CNTN5: variants seen among roughly 807,000 people sequenced by gnomAD.
The protein encoded by CNTN5 is contactin-5.
CNTN5 carries 77 observed loss-of-function variants against 129.1 expected under a neutral mutation model. That is an observed-to-expected ratio of 0.60 (90% CI 0.50 to 0.72). The LOEUF is 0.72. Ranked by LOEUF, CNTN5 falls within the 30% of genes least tolerant of loss-of-function variation. The pLI is 0.00. For synonymous variants in CNTN5, 509 were observed against 465.6 expected (o/e 1.09, Z -1.20); for missense variants, 1,478 against 1,328.8 (o/e 1.11, Z -1.75).
In CNTN5 at chr11:99,476,176, A is replaced by C. The variant is rs569526260; in HGVS notation, c.-70-79969A>C. ...TTTTATATTTATTTTTCTTTGATTTATTTTTAAATATTGCTATGACATTAA... is the reference window on the plus strand; with the variant it reads ...TTTTATATTTATTTTTCTTTGATTTCTTTTTAAATATTGCTATGACATTAA... On this transcript the variant is annotated intron_variant, in intron 2 of 24. Transcript: ENST00000524871. Among the ~76,000 whole-genome samples, 23 of 151,990 alleles carry C rather than the reference A, an allele frequency of 1.5e-4. 1 individual carries two copies. Among genetic ancestry groups the C allele is most frequent in the African/African-American group, 5.1e-4 (21 of 41,528 alleles).
At chr11:99,636,466 G>A (rs985238214) in intron 3 of CNTN5, among the ~76,000 whole-genome samples, 4 of 151,760 alleles carry the variant, frequency 2.6e-5, no homozygotes, top group Admixed American at 1.3e-4. Flanking sequence ...CAGTGTTCTA[G>A]GAGGCTGGGT....
chr11:99,318,767 G>T (rs1330914603), intron 1 of CNTN5, among the ~76,000 whole-genome samples: 1 of 152,148 alleles, frequency 6.6e-6, no homozygotes, highest in African/African-American at 2.4e-5. Context: ...AAGAAATTGT[G>T]TCAGTGGGAT....
chr11:99,664,775 A>G (rs1952722683), intron 3 of CNTN5, among the ~76,000 whole-genome samples: 1 of 152,310 alleles, frequency 6.6e-6, no homozygotes, highest in Non-Finnish European at 1.5e-5. Context: ...CCATTTATAT[A>G]ATTTGAAGAA....
intron 2 of CNTN5, among the ~76,000 whole-genome samples, chr11:99,550,480 T>G (rs945219723): frequency 2.0e-5 from 3 of 152,122 alleles, no homozygotes; most frequent in Non-Finnish European, 4.4e-5. Flanking sequence ...CCAACCTTAT[T>G]CAGCCTTTCA....
chr11:99,909,461 G>T (rs993659789), intron 6 of CNTN5, among the ~76,000 whole-genome samples: 1 of 152,064 alleles, frequency 6.6e-6, no homozygotes, highest in African/African-American at 2.4e-5. Flanking sequence ...CCATTACTGG[G>T]TATATACCCA....
intron 1 of CNTN5, among the ~76,000 whole-genome samples, chr11:99,112,023 C>T (rs987250339): frequency 1.3e-4 from 20 of 152,066 alleles, no homozygotes; most frequent in South Asian, 4.2e-4. Context: ...ACAAATAAGT[C>T]ATCAAAATTA....
chr11:100,269,458 A>G (rs1313083918), intron 17 of CNTN5, among the ~76,000 whole-genome samples: 1 of 152,196 alleles, frequency 6.6e-6, no homozygotes, highest in African/African-American at 2.4e-5. Flanking sequence ...AGAGAAAAAC[A>G]CCTGCATGCT....
intron 2 of CNTN5, among the ~76,000 whole-genome samples, chr11:99,387,871 A>G (rs2136178582): frequency 6.6e-6 from 1 of 152,288 alleles, no homozygotes; most frequent in East Asian, 1.9e-4. Flanking sequence ...GCACATTGGA[A>G]TCAGTTACAG....
chr11:99,360,034 T>C (rs551269865), intron 2 of CNTN5, among the ~76,000 whole-genome samples: 6 of 152,176 alleles, frequency 3.9e-5, no homozygotes, highest in Admixed American at 3.3e-4. Flanking sequence ...ATATACCCAC[T>C]ACATACTCAT....
At chr11:100,281,370 G>T (rs965592384) in intron 18 of CNTN5, among the ~76,000 whole-genome samples, 34 of 152,138 alleles carry the variant, frequency 2.2e-4, no homozygotes, top group African/African-American at 7.7e-4. Context: ...ATACTCTATG[G>T]TAAAAGTTTT....
intron 4 of CNTN5, among the ~76,000 whole-genome samples, chr11:99,825,904 A>G (rs1946939901): frequency 6.6e-6 from 1 of 152,150 alleles, no homozygotes; most frequent in African/African-American, 2.4e-5. Context: ...AAAATATAAT[A>G]TAGAAATGTT....
intron 4 of CNTN5, among the ~76,000 whole-genome samples, chr11:99,827,505 G>A (rs904374595): frequency 5.9e-5 from 9 of 152,126 alleles, no homozygotes; most frequent in Non-Finnish European, 7.4e-5. Context: ...AACCATGTGG[G>A]ACTAAATTAA....
At chr11:99,660,175 T>C (rs1952544092) in intron 3 of CNTN5, among the ~76,000 whole-genome samples, 1 of 152,124 alleles carries the variant, frequency 6.6e-6, no homozygotes, top group Non-Finnish European at 1.5e-5. Context: ...TAGGTGACCT[T>C]GTGTTACTCA....
At chr11:99,430,680 G>T (rs1420957354) in intron 2 of CNTN5, among the ~76,000 whole-genome samples, 1 of 151,830 alleles carries the variant, frequency 6.6e-6, no homozygotes, top group Non-Finnish European at 1.5e-5. Context: ...AAAGAGCTTG[G>T]ATATCAGCTT....
chr11:100,189,690 A>C (rs1948412944), intron 13 of CNTN5, among the ~76,000 whole-genome samples: 2 of 152,138 alleles, frequency 1.3e-5, no homozygotes, highest in African/African-American at 4.8e-5. Flanking sequence ...ATAACATTTC[A>C]TTTTCATAGA....
At chr11:99,571,558 C>A (rs1434626615) in intron 3 of CNTN5, among the ~76,000 whole-genome samples, 1 of 152,116 alleles carries the variant, frequency 6.6e-6, no homozygotes, top group Admixed American at 6.6e-5. Flanking sequence ...AAAGACTCAG[C>A]TATTATTTAG....
chr11:99,182,267 T>G (rs1858115772), intron 1 of CNTN5, among the ~76,000 whole-genome samples: 1 of 152,166 alleles, frequency 6.6e-6, no homozygotes, highest in Non-Finnish European at 1.5e-5. Flanking sequence ...ACGTAGAGTG[T>G]CAAATTGAAG....
chr11:99,224,727 G>A lies in CNTN5; in HGVS notation c.-209-100619G>A, dbSNP rs184619141. On this transcript the variant is annotated intron_variant, in intron 1 of 24. Transcript: ENST00000524871. Reference sequence around the variant, plus strand: ...AGCTGGAGTTCAGTGCCGTGATCTCGGCTGGGTGCAACCTCCACCTCCCAG... The same window carrying A: ...AGCTGGAGTTCAGTGCCGTGATCTCAGCTGGGTGCAACCTCCACCTCCCAG... Among the ~76,000 whole-genome samples, 260 of 137,308 alleles carry A rather than the reference G, an allele frequency of 1.9e-3. 2 individuals carry two copies. The highest frequency in any genetic ancestry group is 0.011 in the Admixed American group (135 of 11,982). 90.1% of individuals were successfully genotyped at this position (137,308 alleles called of 152,430 possible).
intron 16 of CNTN5, among the ~76,000 whole-genome samples, chr11:100,228,244 T>G (rs1949419757): frequency 6.6e-6 from 1 of 152,200 alleles, no homozygotes; most frequent in Non-Finnish European, 1.5e-5. Flanking sequence ...CGAGTCCTTC[T>G]GAATACACAG....
Sources: allele counts gnomAD v4.1 joint callset (sites outside exome capture counted in the v4.1 genomes callset), GRCh38; gene constraint gnomAD v4.1.1; transcripts MANE v1.5; gene names NCBI Gene and HGNC (gene_info 2026-07-23, HGNC 2026-07-21).